The following TTN variants were observed in gnomAD, a reference collection of about 807,000 sequenced individuals.
The protein encoded by TTN is titin, also known as connectin.
Under a neutral mutation model 3,223.0 loss-of-function variants are expected in TTN, and 1,525 were observed. That is an observed-to-expected ratio of 0.47 (90% CI 0.45 to 0.49). The LOEUF (loss-of-function observed/expected upper bound fraction) is 0.49, where lower values mean the gene tolerates loss of function less well. Among genes scored for constraint, TTN ranks in the 20% least tolerant of loss-of-function variants. TTN has a pLI of 0.00. For missense variants in TTN, 40,786 were observed against 43,424.0 expected (o/e 0.94, Z 5.40); for synonymous variants, 14,094 against 15,161.0 (o/e 0.93, Z 5.17).
rs1341948399 is a variant in TTN at position 178,588,037 on chromosome 2, G to A, written c.63370C>T (p.Gln21124Ter). The change falls in exon 305 of 363, where the codon CAG becomes TAG. Residue 21124 changes from glutamine to a stop codon, truncating the protein, a stop_gained. Coordinates refer to ENST00000589042, the MANE Select transcript of TTN (RefSeq NM_001267550.2). LOFTEE classifies it high-confidence loss of function. ...ACAGTGAATTCCTTGCGTACAAGCT[G>A]TGCTGCAGCATTACACCGTTTCCAG... ...EGWKRCNAAAQLVRKEFTVTS... is the reference protein window; with the variant it reads ...EGWKRCNAAA 6.2e-7 allele frequency: 1 copy of A among 1,612,882 alleles called. No homozygotes were observed. The highest frequency in any genetic ancestry group is 8.5e-7 in the Non-Finnish European group (1 of 1,179,380).
chr2:178,764,760 G>A lies in TTN; in HGVS notation c.9755C>T (p.Ser3252Phe), dbSNP rs1436391849. The A allele has an allele frequency of 6.2e-6, 10 of 1,613,830 alleles. No homozygotes were observed. In the Admixed American group the frequency reaches 1.5e-4, roughly 24 times the overall value. ...GGCACAGAAGCGGGCAGGCTTGCCAGACTGCACAGTGACAGGCTGGAGCTC... is the reference window on the plus strand; with the variant it reads ...GGCACAGAAGCGGGCAGGCTTGCCAAACTGCACAGTGACAGGCTGGAGCTC... Reference protein sequence around the residue: ...LQELQPVTVQSGKPARFCAVI... With the variant: ...LQELQPVTVQFGKPARFCAVI... The change falls in exon 42 of 363, where the codon TCT (serine) becomes TTT (phenylalanine). Residue 3252 changes from serine (S) to phenylalanine (F), a missense_variant. Physicochemically the swap from Ser to Phe is radical, Grantham distance 155. Coordinates refer to ENST00000589042, the MANE Select transcript of TTN (RefSeq NM_001267550.2).
chr2:178,713,452 A>T, intron 92 of TTN, 80 bp from the exon 93 acceptor site: 1 of 1,447,614 alleles, frequency 6.9e-7, no homozygotes, highest in Non-Finnish European at 9.1e-7. Flanking sequence ...TTGAAGAGAG[A>T]ACTGTCTTTT....
At chr2:178,693,494 A>G in intron 119 of TTN, 115 bp downstream of exon 119, 2 of 689,540 alleles carry the variant, frequency 2.9e-6, no homozygotes, top group Non-Finnish European at 4.5e-6. Flanking sequence ...CATAGTGGCT[A>G]TAGGTATGCA....
intron 13 of TTN, 146 bp downstream of exon 13, chr2:178,789,214 T>C: frequency 9.6e-7 from 1 of 1,039,744 alleles, no homozygotes; most frequent in Non-Finnish European, 1.4e-6. Context: ...TATTTAATTG[T>C]CTAAAAAATA....
intron 159 of TTN, 113 bp from the exon 160 acceptor site, chr2:178,667,834 C>A: frequency 1.4e-6 from 1 of 724,220 alleles, no homozygotes; most frequent in South Asian, 2.1e-5. Flanking sequence ...AATAGTAGCA[C>A]ATAGAGGCAA....
In TTN at chr2:178,573,980, G is replaced by C. The variant is rs749531610; in HGVS notation, c.72152C>G (p.Ala24051Gly). ...TGGAGGTGGGCGGCCTGAAACATCA[G>C]CTTCCAGTCTGAATGCTTCACCTGC... The part of the protein sequence containing the change: ...LKAGEAFRLE[A>G]DVSGRPPPTM... Residue 24051 changes from alanine to glycine, a missense_variant, in exon 326 of 363, where the codon GCT becomes GGT. By Grantham distance (60) the Ala-to-Gly change is moderately conservative. Transcript: ENST00000589042. 6.2e-7 allele frequency: 1 copy of C among 1,613,312 alleles called. No individual in the cohort carries two copies. Among genetic ancestry groups the C allele is most frequent in the Non-Finnish European group, 8.5e-7 (1 of 1,179,592 alleles).
Position 178,529,096 on chromosome 2 carries a change from A to G in TTN, c.106655T>C (p.Met35552Thr). The change falls in exon 360 of 363, where the codon ATG (methionine) becomes ACG (threonine). Residue 35552 changes from methionine (M) to threonine (T), a missense_variant. Physicochemically the swap from Met to Thr is moderately conservative, Grantham distance 81. Coordinates refer to ENST00000589042, the MANE Select transcript of TTN (RefSeq NM_001267550.2). Reference protein sequence around the residue: ...QKALRSEEIKMSEAKSQEKLA... With the variant: ...QKALRSEEIKTSEAKSQEKLA... ...CTTTTCTTGAGATTTTGCCTCTGACATCTTAATTTCTTCAGACCTTAGGGC... is the reference window on the plus strand; with the variant it reads ...CTTTTCTTGAGATTTTGCCTCTGACGTCTTAATTTCTTCAGACCTTAGGGC... The G allele has an allele frequency of 1.2e-6, 2 of 1,612,340 alleles. No homozygotes were observed. The highest frequency in any genetic ancestry group is 1.7e-6 in the Non-Finnish European group (2 of 1,179,222).
In TTN at chr2:178,652,475, T is replaced by C; in HGVS notation, c.39110A>G (p.Glu13037Gly). 1 of 1,613,610 alleles carries C rather than the reference T, an allele frequency of 6.2e-7. No homozygotes were observed. Among genetic ancestry groups the C allele is most frequent in the African/African-American group, 1.3e-5 (1 of 75,030 alleles). Residue 13037 changes from glutamate (E) to glycine (G), a missense_variant, in exon 202 of 363, where the codon GAA becomes GGA. Glu to Gly is a moderately conservative substitution (Grantham distance 98). Coordinates refer to ENST00000589042, the MANE Select transcript of TTN (RefSeq NM_001267550.2). Reference sequence around the variant, plus strand: ...ACAAATACCTTTAACAGGTGTGACTTCAGGCTTTTTAGGAGGAGCCGCTGG... The same window carrying C: ...ACAAATACCTTTAACAGGTGTGACTCCAGGCTTTTTAGGAGGAGCCGCTGG... ...KVPAAPPKKP[E>G]VTPVKVPEAP...
rs72648963 is a variant in TTN at position 178,724,181 on chromosome 2, A to C, written c.21116-38T>G. Reference sequence around the variant, plus strand: ...AGGTAAGAGACTCATCATGATTTGAAAGAATAGAAGAGACTTGAAAGAAGG... The same window carrying C: ...AGGTAAGAGACTCATCATGATTTGACAGAATAGAAGAGACTTGAAAGAAGG... On this transcript the variant is annotated intron_variant, in intron 72 of 362. Transcript: ENST00000589042. 3,554 of 1,581,292 alleles carry C rather than the reference A, an allele frequency of 2.2e-3. 27 individuals carry two copies. Among genetic ancestry groups the C allele is most frequent in the South Asian group, 7.2e-3 (610 of 85,130 alleles).
rs900359869 is a variant in TTN, at chr2:178,689,796, G to A, written c.31846+17C>T. The A allele has an allele frequency of 3.8e-6, 6 of 1,590,748 alleles. No homozygotes were observed. Among genetic ancestry groups the A allele is most frequent in the South Asian group, 1.2e-5 (1 of 86,162 alleles). On this transcript the variant is annotated intron_variant, in intron 122 of 362. Coordinates refer to ENST00000589042, the MANE Select transcript of TTN (RefSeq NM_001267550.2). ...TCAAAGATAAAAGATAGGGCTTTAC[G>A]TCGAAAGCCACTGTACCTTTAGCTG...
intron 349 of TTN, chr2:178,541,959 C>T: frequency 3.5e-6 from 1 of 284,964 alleles, no homozygotes; most frequent in Non-Finnish European, 6.5e-6. Flanking sequence ...GTCCTCCTTC[C>T]TTTCCTCTCT....
At chr2:178,757,153 A>G in intron 45 of TTN, among the ~76,000 whole-genome samples, 1 of 151,082 alleles carries the variant, frequency 6.6e-6, no homozygotes, top group African/African-American at 2.5e-5. Context: ...TGTATGCTTT[A>G]AGTACAGTAA....
rs1210274436 is a variant in TTN, at chr2:178,611,251, C to G, written c.50878G>C (p.Glu16960Gln). The change falls in exon 270 of 363, where the codon GAG becomes CAG. Residue 16960 changes from glutamate to glutamine, a missense_variant. Glu to Gln is a conservative substitution (Grantham distance 29). Transcript: ENST00000589042. ...TCAATAACAATAATGTCATGAGTCT[C>G]CAGGTCAATTGTTGGCTTGCCTGTA... ...DPDCKPTIDLETHDIIVIEGE... is the reference protein window; with the variant it reads ...DPDCKPTIDLQTHDIIVIEGE... 1 of 1,612,298 alleles carries G rather than the reference C, an allele frequency of 6.2e-7. No individual in the cohort carries two copies. Among genetic ancestry groups the G allele is most frequent in the South Asian group, 1.1e-5 (1 of 90,964 alleles).
intron 109 of TTN, 72 bp downstream of exon 109, chr2:178,701,968 T>G (rs2075078812): frequency 6.9e-7 from 1 of 1,446,420 alleles, no homozygotes; most frequent in African/African-American, 1.4e-5. Flanking sequence ...ACATTTTAGT[T>G]TGGCTTCTGT....
rs139894068 is a variant in TTN, at chr2:178,532,511, G to C, written c.104104C>G (p.His34702Asp). 11 of 1,614,028 alleles carry C rather than the reference G, an allele frequency of 6.8e-6. No homozygotes were observed. The African/African-American group carries it at 1.5e-4, about 22-fold the overall frequency. The change falls in exon 358 of 363, where the codon CAC (histidine) becomes GAC (aspartate). Residue 34702 changes from histidine (H) to aspartate (D), a missense_variant. Transcript: ENST00000589042. Reference protein sequence around the residue: ...SASPPSRSPPHFELSSLRYSS... With the variant: ...SASPPSRSPPDFELSSLRYSS... ...TAACGTAGGCTAGAAAGCTCAAAGT[G>C]TGGAGGGCTTCGACTTGGGGGTGAA...
Position 178,774,351 on chromosome 2 carries a change from C to T in TTN, c.6913G>A (p.Glu2305Lys), listed in dbSNP as rs367761468. The change falls in exon 30 of 363, where the codon GAG becomes AAG. Residue 2305 changes from glutamate to lysine, a missense_variant. Coordinates refer to ENST00000589042, the MANE Select transcript of TTN (RefSeq NM_001267550.2). Reference sequence around the variant, plus strand: ...GTATATTTGCCATTGGATTTAAGCTCCACATCATTATGATACCATTTTCCT... The same window carrying T: ...GTATATTTGCCATTGGATTTAAGCTTCACATCATTATGATACCATTTTCCT... ...IEGKWYHNDV[E>K]LKSNGKYTIT... 124 of 1,613,966 alleles carry T rather than the reference C, an allele frequency of 7.7e-5. No individual in the cohort carries two copies. Among genetic ancestry groups the T allele is most frequent in the Non-Finnish European group, 1.0e-4 (122 of 1,179,980 alleles).
intron 163 of TTN, 33 bp downstream of exon 163, chr2:178,666,791 A>C (rs1164815672): frequency 6.6e-7 from 1 of 1,508,156 alleles, no homozygotes; most frequent in East Asian, 2.4e-5. Flanking sequence ...TGCAAACATG[A>C]GATTAAAAAG....
rs757118302 is a variant in TTN, at chr2:178,547,899, G to A, written c.93727C>T (p.Pro31243Ser). 7 of 1,613,678 alleles carry A rather than the reference G, an allele frequency of 4.3e-6. No homozygotes were observed. The highest frequency in any genetic ancestry group is 1.6e-4 in the Middle Eastern group (1 of 6,080). Reference sequence around the variant, plus strand: ...AGTTTCCATGTTACTTTGGGGGCAGGACGACCACTGATTGGTACGTCAATG... The same window carrying A: ...AGTTTCCATGTTACTTTGGGGGCAGAACGACCACTGATTGGTACGTCAATG... The part of the protein sequence containing the change: ...FTIDVPISGR[P>S]APKVTWKLEE... The change falls in exon 339 of 363, where the codon CCT (proline) becomes TCT (serine). Residue 31243 changes from proline to serine, a missense_variant. Transcript: ENST00000589042.
At position 178,735,594 on chromosome 2, in the gene TTN, T is replaced by C. The variant is rs1235893686; in HGVS notation, c.14852A>G (p.Lys4951Arg). The C allele has an allele frequency of 1.9e-6, 3 of 1,613,298 alleles. No homozygotes were observed. Among genetic ancestry groups the C allele is most frequent in the South Asian group, 2.2e-5 (2 of 91,002 alleles). Reference protein sequence around the residue: ...KIATLEIPLAKLKDSGTYVCT... With the variant: ...KIATLEIPLARLKDSGTYVCT... ...GACATAGGTTCCTGAATCTTTCAGT[T>C]TGGCCAAAGGAATCTCAAGTGTTGC... Residue 4951 changes from lysine to arginine, a missense_variant, in exon 50 of 363, where the codon AAA becomes AGA. By Grantham distance (26) the Lys-to-Arg change is conservative. Coordinates refer to ENST00000589042, the MANE Select transcript of TTN (RefSeq NM_001267550.2).
Sources: gnomAD v4.1 joint callset for allele counts (sites outside exome capture counted in the v4.1 genomes callset) on GRCh38, gnomAD v4.1.1 for gene constraint, MANE v1.5 for transcripts, NCBI Gene and HGNC (gene_info 2026-07-23, HGNC 2026-07-21) for gene names.